Variants in TMTC2 observed in about 807,000 individuals in gnomAD.
The protein encoded by TMTC2 is transmembrane O-mannosyltransferase targeting cadherins 2.
A neutral mutation model predicts 82.4 loss-of-function variants in TMTC2; 43 were observed. The ratio of observed to expected loss-of-function variants is 0.52; its 90% confidence interval spans 0.41 to 0.67. The LOEUF is 0.67. TMTC2 is among the 30% of genes least tolerant of loss of function. TMTC2 has a pLI of 0.00. For synonymous variants in TMTC2, 408 were observed against 381.9 expected (o/e 1.07, Z -0.80); for missense variants, 919 against 1,012.4 (o/e 0.91, Z 1.25).
intron 1 of TMTC2, among the ~76,000 whole-genome samples, chr12:82,796,346 G>T (rs888614219): frequency 6.6e-6 from 1 of 152,124 alleles, no homozygotes; most frequent in Non-Finnish European, 1.5e-5. Context: ...GTAATAGACT[G>T]ATACCCCAGC....
At chr12:82,929,753 T>C (rs1484064319) in intron 3 of TMTC2, among the ~76,000 whole-genome samples, 2 of 152,120 alleles carry the variant, frequency 1.3e-5, no homozygotes, top group Non-Finnish European at 2.9e-5. Context: ...GGGCAATTAT[T>C]GGTGCTGTGC....
chr12:82,994,062 T>C (rs534854887), intron 8 of TMTC2, among the ~76,000 whole-genome samples: 1 of 152,288 alleles, frequency 6.6e-6, no homozygotes, highest in Non-Finnish European at 1.5e-5. Context: ...TCATTTCTCA[T>C]AACATTTGCC....
At chr12:82,794,120 G>A (rs1051074711) in intron 1 of TMTC2, among the ~76,000 whole-genome samples, 2 of 152,150 alleles carry the variant, frequency 1.3e-5, no homozygotes, top group Non-Finnish European at 2.9e-5. Flanking sequence ...TGCGTGAGAA[G>A]AGGGCACATG....
At chr12:82,735,133 T>A (rs1244439809) in intron 1 of TMTC2, among the ~76,000 whole-genome samples, 1 of 152,190 alleles carries the variant, frequency 6.6e-6, no homozygotes, top group African/African-American at 2.4e-5. Flanking sequence ...AATTTCAGGA[T>A]GTGCCCCTCA....
rs202119134 is a variant in TMTC2 at position 82,966,984 on chromosome 12, G to C, written c.1935G>C (p.Leu645Phe). The change falls in exon 7 of 12, where the codon TTG (leucine) becomes TTC (phenylalanine). Residue 645 changes from leucine to phenylalanine, a missense_variant. Leu to Phe is a conservative substitution (Grantham distance 22, BLOSUM62 0). Transcript: ENST00000321196. ...KMPRQFAPQS[L>F]YNMMGEAYMR... ...CAAGGCAGTTTGCCCCACAGAGCTT[G>C]TACAACATGATGGGTAAGTAAAACA... The C allele has an allele frequency of 6.8e-6, 11 of 1,612,832 alleles. No individual in the cohort carries two copies. The South Asian group carries it at 1.1e-4, about 16-fold the overall frequency.
intron 3 of TMTC2, among the ~76,000 whole-genome samples, chr12:82,920,445 T>C (rs1875319586): frequency 6.6e-6 from 1 of 152,194 alleles, no homozygotes; most frequent in African/African-American, 2.4e-5. Context: ...GATGGGAATA[T>C]TTAATTGTTC....
chr12:82,845,275 T>TATA (rs1565775614), intron 1 of TMTC2, among the ~76,000 whole-genome samples: 2 of 108,324 alleles, frequency 1.8e-5, no homozygotes, highest in African/African-American at 7.8e-5. Context: ...ATATATATAT[T>TATA]GAACTAGTCA....
intron 10 of TMTC2, among the ~76,000 whole-genome samples, chr12:83,056,351 T>C (rs151177102): frequency 1.3e-5 from 2 of 151,992 alleles, no homozygotes; most frequent in East Asian, 1.9e-4. Flanking sequence ...GTAGTAAAAA[T>C]AGCAAAACTC....
Position 83,068,495 on chromosome 12 carries a change from G to T in TMTC2, c.2331+6664G>T, listed in dbSNP as rs373257110. Among the ~76,000 whole-genome samples, 81 of 152,120 alleles carry T rather than the reference G, an allele frequency of 5.3e-4. 1 individual carries two copies. In the South Asian group the frequency reaches 0.016, roughly 31 times the overall value. ...ACATTTCTGCTTGTAAATGGGGGAGGAACCACATGGTCTCTCCCAAAACTT... is the reference window on the plus strand; with the variant it reads ...ACATTTCTGCTTGTAAATGGGGGAGTAACCACATGGTCTCTCCCAAAACTT... On this transcript the variant is annotated intron_variant, in intron 11 of 11. Coordinates refer to ENST00000321196, the MANE Select transcript of TMTC2 (RefSeq NM_152588.3).
chr12:83,049,693 G>A (rs1465151026), intron 9 of TMTC2, among the ~76,000 whole-genome samples: 2 of 152,212 alleles, frequency 1.3e-5, no homozygotes, highest in African/African-American at 4.8e-5. Flanking sequence ...TGGGATTGCT[G>A]TGTAAAATGG....
intron 1 of TMTC2, among the ~76,000 whole-genome samples, chr12:82,812,555 T>C (rs1868459335): frequency 6.6e-6 from 1 of 152,080 alleles, no homozygotes. Flanking sequence ...TTTTATTAAA[T>C]TAAACTATTG....
At chr12:82,690,209 G>T (rs926698537) in intron 1 of TMTC2, 3 of 208,718 alleles carry the variant, frequency 1.4e-5, no homozygotes, top group African/African-American at 7.0e-5. Flanking sequence ...TAAACTGTAG[G>T]ATGATGATAA....
At chr12:82,795,358 G>A (rs1878669829) in intron 1 of TMTC2, among the ~76,000 whole-genome samples, 1 of 150,472 alleles carries the variant, frequency 6.6e-6, no homozygotes, top group Non-Finnish European at 1.5e-5. Context: ...TGGTAAGACA[G>A]CCTGTATATT....
At chr12:82,792,147 T>C (rs1878500859) in intron 1 of TMTC2, among the ~76,000 whole-genome samples, 1 of 152,116 alleles carries the variant, frequency 6.6e-6, no homozygotes, top group East Asian at 1.9e-4. Context: ...GTGTCCACTT[T>C]TGCTTGGCTT....
intron 2 of TMTC2, among the ~76,000 whole-genome samples, chr12:82,873,824 A>T (rs1302378842): frequency 2.0e-5 from 3 of 152,176 alleles, no homozygotes; most frequent in African/African-American, 7.2e-5. Flanking sequence ...TACCTATTTG[A>T]AAAAGGAATC....
chr12:83,087,802 A>AGT (rs1883712061), intron 11 of TMTC2, among the ~76,000 whole-genome samples: 1 of 143,514 alleles, frequency 7.0e-6, no homozygotes, highest in African/African-American at 2.8e-5. Flanking sequence ...CCATTTATAG[A>AGT]GCACAAGAGG....
chr12:82,885,452 C>A (rs1169951916), intron 2 of TMTC2, among the ~76,000 whole-genome samples: 1 of 151,686 alleles, frequency 6.6e-6, no homozygotes, highest in African/African-American at 2.4e-5. Flanking sequence ...TCACTGTAGT[C>A]TTGATTTCCT....
chr12:82,929,174 A>G (rs2137240831), intron 3 of TMTC2, among the ~76,000 whole-genome samples: 1 of 152,024 alleles, frequency 6.6e-6, no homozygotes, highest in Middle Eastern at 3.4e-3. Context: ...CTATGGGCTC[A>G]ACTCTGTGGG....
intron 1 of TMTC2, among the ~76,000 whole-genome samples, chr12:82,796,119 T>A (rs1878706685): frequency 6.6e-6 from 1 of 152,058 alleles, no homozygotes; most frequent in Non-Finnish European, 1.5e-5. Flanking sequence ...CCCATGGGCC[T>A]TTTGAGTTGC....
Sources: allele counts gnomAD v4.1 joint callset (sites outside exome capture counted in the v4.1 genomes callset), GRCh38; gene constraint gnomAD v4.1.1; transcripts MANE v1.5; gene names NCBI Gene and HGNC (gene_info 2026-07-23, HGNC 2026-07-21).